Variants in HIKESHI observed in about 807,000 individuals in gnomAD.
HIKESHI encodes heat shock protein nuclear import factor hikeshi, also known as protein Hikeshi.
A neutral mutation model predicts 25.7 loss-of-function variants in HIKESHI; 13 were observed. That is an observed-to-expected ratio of 0.51 (90% CI 0.33 to 0.80). The LOEUF is 0.80. Among genes scored for constraint, HIKESHI ranks in the 30% least tolerant of loss-of-function variants. HIKESHI has a pLI of 0.02. For synonymous variants in HIKESHI, 76 were observed against 78.7 expected (o/e 0.97, Z 0.18); for missense variants, 174 against 229.5 (o/e 0.76, Z 1.56).
At chr11:86,321,535 A>AT (rs35862030) in intron 2 of HIKESHI, among the ~76,000 whole-genome samples, 1,845 of 146,716 alleles carry the variant, frequency 0.013, 15 homozygotes, top group Middle Eastern at 0.018. Context: ...TTTGTTTTAC[A>AT]TTTTTTTTTT....
intron 2 of HIKESHI, among the ~76,000 whole-genome samples, chr11:86,318,248 G>C (rs1947042568): frequency 7.8e-6 from 1 of 128,608 alleles, no homozygotes; most frequent in Admixed American, 9.2e-5. Flanking sequence ...AGCTTGCAGT[G>C]AGCCAGGATC....
chr11:86,336,148 A>G (rs1947552411), intron 2 of HIKESHI, among the ~76,000 whole-genome samples: 1 of 152,240 alleles, frequency 6.6e-6, no homozygotes, highest in Non-Finnish European at 1.5e-5. Context: ...AGACAGAAGA[A>G]AGAATCAGTG....
intron 2 of HIKESHI, among the ~76,000 whole-genome samples, chr11:86,328,535 C>A (rs1229145005): frequency 1.3e-5 from 2 of 151,680 alleles, no homozygotes; most frequent in African/African-American, 4.8e-5. Context: ...ACCTCTGCCT[C>A]CCAGGTTCAA....
At chr11:86,302,670 T>C (rs1467439208) in intron 1 of HIKESHI, among the ~76,000 whole-genome samples, 192 bp downstream of exon 1, 1 of 152,254 alleles carries the variant, frequency 6.6e-6, no homozygotes, top group Admixed American at 6.5e-5. Flanking sequence ...TTTCGAATAG[T>C]AGTCACAGTA....
chr11:86,306,164 A>T, intron 1 of HIKESHI, 81 bp from the exon 2 acceptor site: 1 of 870,148 alleles, frequency 1.1e-6, no homozygotes, highest in Non-Finnish European at 1.8e-6. Context: ...TTATGCTGGT[A>T]ATATAACTTA....
chr11:86,304,585 C>G (rs183630405), intron 1 of HIKESHI, among the ~76,000 whole-genome samples: 1 of 143,092 alleles, frequency 7.0e-6, no homozygotes, highest in Admixed American at 7.6e-5. Context: ...GGTGTGATCT[C>G]TGCTCATCGC....
chr11:86,327,916 C>CA (rs747507596), intron 2 of HIKESHI, among the ~76,000 whole-genome samples: 1 of 152,062 alleles, frequency 6.6e-6, no homozygotes, highest in African/African-American at 2.4e-5. Flanking sequence ...GCCTTTAAAA[C>CA]AAATGGTATA....
chr11:86,320,616 T>C (rs1947122229), intron 2 of HIKESHI, among the ~76,000 whole-genome samples: 1 of 152,176 alleles, frequency 6.6e-6, no homozygotes, highest in Non-Finnish European at 1.5e-5. Flanking sequence ...TATTAACAGA[T>C]TGTGGTAGCT....
intron 2 of HIKESHI, among the ~76,000 whole-genome samples, chr11:86,321,828 C>T (rs923048135): frequency 2.0e-5 from 3 of 152,148 alleles, no homozygotes; most frequent in African/African-American, 7.2e-5. Context: ...CCACGCCTGG[C>T]CTTGTTTTAC....
Position 86,317,428 on chromosome 11 carries a change from G to A in HIKESHI, c.268+10946G>A, listed in dbSNP as rs553532908. On this transcript the variant is annotated intron_variant, in intron 2 of 4. Coordinates refer to ENST00000278483, the MANE Select transcript of HIKESHI (RefSeq NM_016401.4). ...GATGATGCTAAAAGTAGAAATTAAT[G>A]ATGGAAAACAAACAATAGAGAGGCT... 3.3e-5 allele frequency among the ~76,000 whole-genome samples: 5 copies of A among 152,264 alleles called. No homozygotes were observed. The East Asian group carries it at 9.6e-4, about 29-fold the overall frequency.
intron 2 of HIKESHI, among the ~76,000 whole-genome samples, chr11:86,328,360 G>A (rs1395307177): frequency 6.6e-6 from 1 of 151,488 alleles, no homozygotes; most frequent in Non-Finnish European, 1.5e-5. Flanking sequence ...CCGGGTTCAA[G>A]TGATTCTTAT....
At chr11:86,318,554 G>C (rs916819727) in intron 2 of HIKESHI, among the ~76,000 whole-genome samples, 2 of 151,834 alleles carry the variant, frequency 1.3e-5, no homozygotes, top group African/African-American at 4.8e-5. Flanking sequence ...AATGGCCAAA[G>C]ACAATATGAG....
At chr11:86,338,591 A>AG (rs1350955978) in intron 3 of HIKESHI, among the ~76,000 whole-genome samples, 2 of 152,196 alleles carry the variant, frequency 1.3e-5, no homozygotes, top group Non-Finnish European at 2.9e-5. Flanking sequence ...CTAGCAGAGG[A>AG]GGAGTGAATG....
chr11:86,306,847 A>C (rs1360615892), intron 2 of HIKESHI, among the ~76,000 whole-genome samples: 1 of 151,398 alleles, frequency 6.6e-6, no homozygotes, highest in Non-Finnish European at 1.5e-5. Context: ...AAAATAAAAA[A>C]AAATTAGCCG....
chr11:86,323,427 G>C (rs1947199232), intron 2 of HIKESHI, among the ~76,000 whole-genome samples: 1 of 152,116 alleles, frequency 6.6e-6, no homozygotes, highest in Admixed American at 6.5e-5. Flanking sequence ...AATACAGTAG[G>C]AGAAGCAAGC....
At chr11:86,326,939 T>C (rs142144271) in intron 2 of HIKESHI, among the ~76,000 whole-genome samples, 312 of 152,230 alleles carry the variant, frequency 2.0e-3, no homozygotes, top group Middle Eastern at 0.01. Context: ...AATATGGTAT[T>C]TTAGAGCTGG....
chr11:86,302,603 G>A (rs1048853935), intron 1 of HIKESHI, 125 bp downstream of exon 1: 4 of 1,110,492 alleles, frequency 3.6e-6, no homozygotes, highest in Non-Finnish European at 3.9e-6. Context: ...GGGTGGGTAT[G>A]TGAGGATGGA....
chr11:86,305,414 A>T (rs919261999), intron 1 of HIKESHI, among the ~76,000 whole-genome samples: 3 of 151,034 alleles, frequency 2.0e-5, no homozygotes, highest in Non-Finnish European at 4.4e-5. Flanking sequence ...TTTGAGACGG[A>T]GTTTAGCTCT....
intron 2 of HIKESHI, among the ~76,000 whole-genome samples, chr11:86,310,185 G>A (rs1263528094): frequency 2.0e-5 from 3 of 146,768 alleles, no homozygotes; most frequent in South Asian, 2.2e-4. Flanking sequence ...ATATTGATTC[G>A]TCCTATCCAT....
Sources: gnomAD v4.1 joint callset for allele counts (sites outside exome capture counted in the v4.1 genomes callset) on GRCh38, gnomAD v4.1.1 for gene constraint, MANE v1.5 for transcripts, NCBI Gene and HGNC (gene_info 2026-07-23, HGNC 2026-07-21) for gene names.